GNAQ: variants seen among roughly 807,000 people sequenced by gnomAD.
The protein encoded by GNAQ is G protein subunit alpha q.
Under a neutral mutation model 43.9 loss-of-function variants are expected in GNAQ, and 8 were observed. That is an observed-to-expected ratio of 0.18 (90% CI 0.11 to 0.33). The LOEUF (loss-of-function observed/expected upper bound fraction) is 0.33. Ranked by LOEUF, GNAQ falls within the 10% of genes least tolerant of loss-of-function variation. GNAQ has a pLI of 1.00. For missense variants in GNAQ, 158 were observed against 450.8 expected, an observed-to-expected ratio of 0.35 and a Z score of 5.88; for synonymous variants, 155 against 170.7, an observed-to-expected ratio of 0.91 and a Z score of 0.71.
chr9:77,806,232 C>G (rs1434429083), intron 3 of GNAQ, among the ~76,000 whole-genome samples: 1 of 152,206 alleles, frequency 6.6e-6, no homozygotes, highest in Non-Finnish European at 1.5e-5. Context: ...TGATAACTTT[C>G]CAAGCTATTG....
intron 5 of GNAQ, among the ~76,000 whole-genome samples, chr9:77,746,143 A>G (rs1293936409): frequency 1.3e-5 from 2 of 152,326 alleles, no homozygotes. Flanking sequence ...CAAAATATCA[A>G]TTAAGTTAGA....
At chr9:78,011,157 A>C (rs1235025859) in intron 1 of GNAQ, among the ~76,000 whole-genome samples, 2 of 152,234 alleles carry the variant, frequency 1.3e-5, no homozygotes, top group African/African-American at 4.8e-5. Flanking sequence ...GACAAACAGA[A>C]TCAGTTGTGA....
In GNAQ at chr9:77,828,559, A is replaced by G. The variant is rs146911622; in HGVS notation, c.322-12789T>C. Among the ~76,000 whole-genome samples, 383 of 152,308 alleles carry G rather than the reference A, an allele frequency of 2.5e-3. 1 individual carries two copies. The highest frequency in any genetic ancestry group is 8.2e-3 in the African/African-American group (342 of 41,554). Reference sequence around the variant, plus strand: ...GCCTGTCACTGCTATTTAACTGATCATGTTTTGTACATAAAGAATTTCCAA... The same window carrying G: ...GCCTGTCACTGCTATTTAACTGATCGTGTTTTGTACATAAAGAATTTCCAA... On this transcript the variant is annotated intron_variant, in intron 2 of 6. Transcript: ENST00000286548.
chr9:77,837,571 T>C (rs568026972), intron 2 of GNAQ, among the ~76,000 whole-genome samples: 1 of 152,042 alleles, frequency 6.6e-6, no homozygotes, highest in Admixed American at 6.5e-5. Flanking sequence ...AATAGATTTT[T>C]TTTAAAAAAG....
chr9:77,863,076 A>G (rs922648668), intron 2 of GNAQ, among the ~76,000 whole-genome samples: 4 of 152,188 alleles, frequency 2.6e-5, no homozygotes, highest in Non-Finnish European at 5.9e-5. Flanking sequence ...TGGGAGGCAG[A>G]GGCAGGAGAA....
At chr9:77,834,760 G>A (rs1440837447) in intron 2 of GNAQ, among the ~76,000 whole-genome samples, 1 of 152,126 alleles carries the variant, frequency 6.6e-6, no homozygotes, top group African/African-American at 2.4e-5. Context: ...CTTTCTTCCT[G>A]TGTACATGGC....
chr9:77,900,875 G>A (rs757368945), intron 2 of GNAQ, among the ~76,000 whole-genome samples: 10 of 152,056 alleles, frequency 6.6e-5, no homozygotes, highest in Middle Eastern at 3.2e-3. Context: ...GCTCCCAACA[G>A]TTTCAAAGCA....
chr9:77,868,447 T>C (rs1300119782), intron 2 of GNAQ, among the ~76,000 whole-genome samples: 1 of 152,226 alleles, frequency 6.6e-6, no homozygotes, highest in African/African-American at 2.4e-5. Flanking sequence ...AAATTTCTTC[T>C]GGAATGATGA....
intron 2 of GNAQ, among the ~76,000 whole-genome samples, chr9:77,874,109 A>AAAAAAAAAAAAAC (rs1454601850): frequency 6.8e-6 from 1 of 148,090 alleles, no homozygotes; most frequent in African/African-American, 2.5e-5. Flanking sequence ...CATCTCAAAA[A>AAAAAAAAAAAAAC]AAAAAAACAA....
rs567710874 is a variant in GNAQ at position 77,912,419 on chromosome 9, C to A, written c.321+9742G>T. Among the ~76,000 whole-genome samples the A allele has an allele frequency of 3.3e-5, 5 of 152,208 alleles. No individual in the cohort carries two copies. In the South Asian group the frequency reaches 1.0e-3, roughly 32 times the overall value. On this transcript the variant is annotated intron_variant, in intron 2 of 6. Coordinates refer to ENST00000286548, the MANE Select transcript of GNAQ (RefSeq NM_002072.5). ...AATCCACCTGAAATGGATTTTAGAT[C>A]TGAATGTAAAATGTAAAACAATAAA...
At chr9:77,781,299 T>G (rs1385801540) in intron 5 of GNAQ, among the ~76,000 whole-genome samples, 3 of 137,928 alleles carry the variant, frequency 2.2e-5, no homozygotes, top group Non-Finnish European at 4.9e-5. Flanking sequence ...AGTTTCATTC[T>G]TTTGCATGTG....
At chr9:77,762,361 G>GCCCC (rs1826053132) in intron 5 of GNAQ, among the ~76,000 whole-genome samples, 3 of 140,766 alleles carry the variant, frequency 2.1e-5, no homozygotes, top group Admixed American at 6.8e-5. Context: ...CCTCTGCCCG[G>GCCCC]CCGCCCCTAC....
chr9:77,984,520 A>C (rs944342815), intron 1 of GNAQ, among the ~76,000 whole-genome samples: 1 of 152,204 alleles, frequency 6.6e-6, no homozygotes, highest in African/African-American at 2.4e-5. Flanking sequence ...AATAGTTAAC[A>C]AAGTCCTTGG....
chr9:77,845,261 A>G (rs1006148027), intron 2 of GNAQ, among the ~76,000 whole-genome samples: 2 of 152,176 alleles, frequency 1.3e-5, no homozygotes, highest in Non-Finnish European at 2.9e-5. Flanking sequence ...GTTTCTTACA[A>G]TGAGCCACTG....
chr9:77,962,903 A>C (rs1456337277), intron 1 of GNAQ, among the ~76,000 whole-genome samples: 4 of 151,734 alleles, frequency 2.6e-5, no homozygotes, highest in Non-Finnish European at 4.4e-5. Flanking sequence ...AAAAAAAAAA[A>C]AAAAAAAAAA....
chr9:77,751,846 G>A (rs2118295146), intron 5 of GNAQ, among the ~76,000 whole-genome samples: 1 of 152,284 alleles, frequency 6.6e-6, no homozygotes, highest in East Asian at 1.9e-4. Context: ...ACAGGTCACT[G>A]AAGTGAAGTT....
rs1387070639 is a variant in GNAQ at position 77,717,165 on chromosome 9, A to G, written c.*4158T>C. 1 of 232,186 alleles carries G rather than the reference A, an allele frequency of 4.3e-6. No individual in the cohort carries two copies. Among genetic ancestry groups the G allele is most frequent in the African/African-American group, 2.2e-5 (1 of 45,314 alleles). The allele number at this position is 232,186 out of a possible 1,614,324, so 14.4% of individuals were successfully genotyped here. ...GAAATATGTAGAGATAGATAAACATACAATATTACTAGTTTTATTTTTTTG... is the reference window on the plus strand; with the variant it reads ...GAAATATGTAGAGATAGATAAACATGCAATATTACTAGTTTTATTTTTTTG... On this transcript the variant is annotated 3_prime_UTR_variant, in exon 7 of 7. Transcript: ENST00000286548.
intron 2 of GNAQ, among the ~76,000 whole-genome samples, chr9:77,821,198 T>C (rs1376629919): frequency 2.0e-5 from 3 of 152,124 alleles, no homozygotes; most frequent in Non-Finnish European, 4.4e-5. Flanking sequence ...TAATCTCCAT[T>C]ATGGTCACCA....
intron 5 of GNAQ, among the ~76,000 whole-genome samples, chr9:77,748,302 A>G (rs1386441149): frequency 6.6e-6 from 1 of 152,260 alleles, no homozygotes; most frequent in Non-Finnish European, 1.5e-5. Flanking sequence ...CTGAAAACCT[A>G]AAATCTAGGC....
Sources: gnomAD v4.1 joint callset for allele counts (sites outside exome capture counted in the v4.1 genomes callset) on GRCh38, gnomAD v4.1.1 for gene constraint, MANE v1.5 for transcripts, NCBI Gene and HGNC (gene_info 2026-07-23, HGNC 2026-07-21) for gene names.